DOCK4: variants seen among roughly 807,000 people sequenced by gnomAD.
DOCK4 encodes dedicator of cytokinesis 4, also known as dedicator of cytokinesis protein 4.
A neutral mutation model predicts 268.1 loss-of-function variants in DOCK4; 97 were observed. The observed-to-expected ratio is 0.36, with a 90% CI of 0.31 to 0.43. The LOEUF is 0.43. Among genes scored for constraint, DOCK4 ranks in the 20% least tolerant of loss-of-function variants. The pLI, the probability that DOCK4 is intolerant of heterozygous loss-of-function variation, is 1.00. For missense variants in DOCK4, 2,145 were observed against 2,455.7 expected (o/e 0.87, Z 2.67); for synonymous variants, 954 against 887.2 (o/e 1.08, Z -1.34).
Position 111,977,118 on chromosome 7 carries a change from C to T in DOCK4, c.701+14G>A, listed in dbSNP as rs778474770. 6.2e-7 allele frequency: 1 copy of T among 1,612,800 alleles called. No homozygotes were observed. The highest frequency in any genetic ancestry group is 1.1e-5 in the South Asian group (1 of 90,706). On this transcript the variant is annotated intron_variant, in intron 8 of 52. Transcript: ENST00000428084. ...ACATTAAGACATTGAAACCCTATCTCCACGTGCAGGTACCTGATTGGCCGG... is the reference window on the plus strand; with the variant it reads ...ACATTAAGACATTGAAACCCTATCTTCACGTGCAGGTACCTGATTGGCCGG...
chr7:112,040,159 T>C (rs1804225788), intron 1 of DOCK4, among the ~76,000 whole-genome samples: 1 of 152,154 alleles, frequency 6.6e-6, no homozygotes, highest in Admixed American at 6.5e-5. Context: ...AGCAATTGAA[T>C]GGAAATTCTT....
At chr7:111,908,639 G>A (rs969614141) in intron 13 of DOCK4, among the ~76,000 whole-genome samples, 6 of 151,962 alleles carry the variant, frequency 3.9e-5, no homozygotes, top group East Asian at 1.9e-4. Flanking sequence ...CTATCAACCC[G>A]TCATCTAGGT....
At chr7:111,991,050 A>G (rs539101044) in intron 5 of DOCK4, among the ~76,000 whole-genome samples, 1 of 152,356 alleles carries the variant, frequency 6.6e-6, no homozygotes, top group South Asian at 2.1e-4. Flanking sequence ...GAAGAGACAC[A>G]GCGCCTTTTT....
In DOCK4 at chr7:111,820,663, G is replaced by C. The variant is rs184358841; in HGVS notation, c.2930+1699C>G. The C allele has an allele frequency of 4.6e-5, 7 of 152,294 alleles. No homozygotes were observed. In the East Asian group the frequency reaches 1.3e-3, roughly 29 times the overall value. 9.4% of individuals were successfully genotyped at this position (152,294 alleles called of 1,614,324 possible). A position where few individuals can be genotyped will look rare whatever the true frequency, so the allele number is the denominator to read the frequency against. On this transcript the variant is annotated intron_variant, in intron 27 of 52. Coordinates refer to ENST00000428084, the MANE Select transcript of DOCK4 (RefSeq NM_001363540.2). Reference sequence around the variant, plus strand: ...AAGCCACATGGTTGTTACAATTTTAGGCAAGCTTAAGCAGAAATTGTATAT... The same window carrying C: ...AAGCCACATGGTTGTTACAATTTTACGCAAGCTTAAGCAGAAATTGTATAT...
intron 1 of DOCK4, among the ~76,000 whole-genome samples, chr7:112,127,060 G>T (rs932168717): frequency 2.0e-4 from 30 of 151,736 alleles, no homozygotes; most frequent in African/African-American, 6.8e-4. Context: ...CCATTACTGG[G>T]TATATACCCA....
chr7:111,912,967 CTT>C (rs754624578), intron 13 of DOCK4, among the ~76,000 whole-genome samples: 32 of 141,390 alleles, frequency 2.3e-4, no homozygotes, highest in Admixed American at 2.1e-4. Context: ...TAGAAATTTC[CTT>C]TTTTTTTTTT....
At chr7:112,114,309 T>C (rs1204335012) in intron 1 of DOCK4, among the ~76,000 whole-genome samples, 2 of 152,126 alleles carry the variant, frequency 1.3e-5, no homozygotes, top group Non-Finnish European at 2.9e-5. Context: ...AAGTAAAAAG[T>C]CTAAAAGTGT....
At chr7:112,122,721 T>G (rs547930430) in intron 1 of DOCK4, among the ~76,000 whole-genome samples, 1 of 152,356 alleles carries the variant, frequency 6.6e-6, no homozygotes, top group East Asian at 1.9e-4. Flanking sequence ...TATGCTTATG[T>G]GCTATATACT....
chr7:111,945,795 C>T lies in DOCK4; in HGVS notation c.705G>A (p.Glu235=). 6.3e-7 allele frequency: 1 copy of T among 1,583,486 alleles called. No homozygotes were observed. Among genetic ancestry groups the T allele is most frequent in the South Asian group, 1.2e-5 (1 of 86,156 alleles). The part of the protein sequence containing the change: ...FDSKENRPIS[E]RFFLRLNRNG... ...TTCTATTCAGCCTCAAGAAAAATCT[C>T]TCACTACAAGAGAAAAAATGTTTAA... The change falls in exon 9 of 53, where the codon GAG becomes GAA. Residue 235 remains glutamate, a synonymous_variant. Transcript: ENST00000428084.
intron 1 of DOCK4, among the ~76,000 whole-genome samples, chr7:112,026,884 T>G (rs1386294686): frequency 6.6e-6 from 1 of 152,118 alleles, no homozygotes; most frequent in African/African-American, 2.4e-5. Context: ...ACTTTGAACT[T>G]CCACTGGAAA....
chr7:111,745,683 TAA>T (rs781530065), intron 44 of DOCK4, among the ~76,000 whole-genome samples: 17 of 49,610 alleles, frequency 3.4e-4, no homozygotes, highest in Non-Finnish European at 4.6e-4. Context: ...GACTCCGTCT[TAA>T]AAAAAAAAAA....
rs1374813727 is a variant in DOCK4 at position 111,825,788 on chromosome 7, CAGAGGTTCAAGTAAGAG to C, written c.2836-3349_2836-3333del. 3.3e-5 allele frequency among the ~76,000 whole-genome samples: 5 copies of C among 152,170 alleles called. No homozygotes were observed. In the East Asian group the frequency reaches 9.7e-4, roughly 29 times the overall value. ...TTATTTTATAGAAGTATTTTTTCTG[CAGAGGTTCAAGTAAGAG>C]AGAGGTTCAAGTAAGAAAGGTCTTG... On this transcript the variant is annotated intron_variant, in intron 26 of 52. Transcript: ENST00000428084.
intron 13 of DOCK4, among the ~76,000 whole-genome samples, chr7:111,908,247 G>T (rs535003687): frequency 1.3e-5 from 2 of 152,120 alleles, no homozygotes; most frequent in African/African-American, 4.8e-5. Flanking sequence ...AGGAGATCGA[G>T]ACTATCTTGG....
chr7:112,192,684 T>C (rs1385413831), intron 1 of DOCK4, among the ~76,000 whole-genome samples: 1 of 152,214 alleles, frequency 6.6e-6, no homozygotes, highest in Non-Finnish European at 1.5e-5. Flanking sequence ...TCAAAGTAAA[T>C]GAGATAAAAC....
At chr7:111,790,627 A>G (rs1180593735) in intron 30 of DOCK4, 22 bp from the exon 31 acceptor site, 2 of 1,571,682 alleles carry the variant, frequency 1.3e-6, no homozygotes, top group East Asian at 2.3e-5. Context: ...AAAATATTTG[A>G]GTTTCAATAT....
At chr7:111,836,860 A>T (rs1266777321) in intron 25 of DOCK4, among the ~76,000 whole-genome samples, 1 of 150,560 alleles carries the variant, frequency 6.6e-6, no homozygotes, top group Non-Finnish European at 1.5e-5. Context: ...CTGAAATAAA[A>T]AGAAAAACAG....
At chr7:111,742,216 G>T (rs3757649) in intron 44 of DOCK4, 84 bp from the exon 45 acceptor site, 1 of 1,357,364 alleles carries the variant, frequency 7.4e-7, no homozygotes, top group South Asian at 1.9e-5. Flanking sequence ...ACTTTACTAC[G>T]CATTTCGCTT....
intron 30 of DOCK4, among the ~76,000 whole-genome samples, chr7:111,794,506 G>C (rs1027326346): frequency 6.6e-6 from 1 of 152,212 alleles, no homozygotes; most frequent in Non-Finnish European, 1.5e-5. Flanking sequence ...AAAGAGACAT[G>C]GTGCAGGGTA....
chr7:111,738,952 AG>A (rs1246317337), intron 49 of DOCK4, among the ~76,000 whole-genome samples, 181 bp downstream of exon 49: 2 of 151,772 alleles, frequency 1.3e-5, no homozygotes, highest in Non-Finnish European at 1.5e-5. Flanking sequence ...AAAAAAAAAA[AG>A]ATGGCTCAGG....
Sources: gnomAD v4.1 joint callset for allele counts (sites outside exome capture counted in the v4.1 genomes callset) on GRCh38, gnomAD v4.1.1 for gene constraint, MANE v1.5 for transcripts, NCBI Gene and HGNC (gene_info 2026-07-23, HGNC 2026-07-21) for gene names.